The following LARGE1 variants were observed in gnomAD, a reference collection of about 807,000 sequenced individuals.
The protein encoded by LARGE1 is xylosyl- and glucuronyltransferase LARGE1.
LARGE1 carries 43 observed loss-of-function variants against 87.6 expected under a neutral mutation model. The observed-to-expected ratio is 0.49, with a 90% CI of 0.38 to 0.63. LARGE1 has a LOEUF of 0.63. Among genes scored for constraint, LARGE1 ranks in the 30% least tolerant of loss-of-function variants. The pLI, the probability that LARGE1 is intolerant of heterozygous loss-of-function variation, is 0.00. For synonymous variants in LARGE1, 434 were observed against 394.6 expected, an observed-to-expected ratio of 1.10 and a Z score of -1.18; for missense variants, 802 against 1,000.2, an observed-to-expected ratio of 0.80 and a Z score of 2.67.
At chr22:33,085,328 C>A in the LARGE1 span, among the ~76,000 whole-genome samples, 1 of 152,128 alleles carries the variant, frequency 6.6e-6, no homozygotes, top group Admixed American at 6.5e-5. Context: ...CTGTTTGAAA[C>A]AAACTTAAAA....
intron 6 of LARGE1, among the ~76,000 whole-genome samples, chr22:33,471,109 C>G (rs1188717824): frequency 6.7e-6 from 1 of 149,812 alleles, no homozygotes; most frequent in Non-Finnish European, 1.5e-5. Flanking sequence ...CTCACGGCAA[C>G]CTCTGCCACC....
chr22:33,069,460 C>A, the LARGE1 span, among the ~76,000 whole-genome samples: 6 of 152,154 alleles, frequency 3.9e-5, no homozygotes, highest in Non-Finnish European at 7.3e-5. Flanking sequence ...TGAACTTAGA[C>A]TCTGAAACTG....
intron 11 of LARGE1, among the ~76,000 whole-genome samples, chr22:33,183,461 G>A (rs1446560295): frequency 1.3e-5 from 2 of 152,064 alleles, no homozygotes; most frequent in African/African-American, 2.4e-5. Flanking sequence ...ACATGATCTG[G>A]CAATCCCACT....
At chr22:33,532,584 G>A (rs2148581827) in intron 6 of LARGE1, among the ~76,000 whole-genome samples, 1 of 152,322 alleles carries the variant, frequency 6.6e-6, no homozygotes, top group East Asian at 1.9e-4. Flanking sequence ...GGCTAACAGA[G>A]GCTGGCTGTC....
At chr22:33,425,902 A>G (rs1265037384) in intron 7 of LARGE1, among the ~76,000 whole-genome samples, 1 of 151,946 alleles carries the variant, frequency 6.6e-6, no homozygotes, top group African/African-American at 2.4e-5. Flanking sequence ...ATGACCGGCT[A>G]ATTTATTTAT....
chr22:33,263,285 C>G (rs1301764897), intron 11 of LARGE1, among the ~76,000 whole-genome samples: 1 of 152,226 alleles, frequency 6.6e-6, no homozygotes, highest in African/African-American at 2.4e-5. Context: ...CCTGCTGTAT[C>G]TCCCTATATA....
chr22:33,571,294 A>G lies in LARGE1; in HGVS notation c.616-6275T>C, dbSNP rs143992554. Among the ~76,000 whole-genome samples the G allele has an allele frequency of 9.9e-5, 15 of 152,282 alleles. No homozygotes were observed. In the East Asian group the frequency reaches 2.1e-3, roughly 22 times the overall value. ...ATCTGCCTTCTTGAAGAAGCTGCCA[A>G]TTACCAGGCAGACCCAAAGGGGAGC... On this transcript the variant is annotated intron_variant, in intron 5 of 14. Coordinates refer to ENST00000397394, the MANE Select transcript of LARGE1 (RefSeq NM_133642.5).
chr22:33,656,148 C>G (rs2080954343), intron 2 of LARGE1, among the ~76,000 whole-genome samples: 1 of 152,066 alleles, frequency 6.6e-6, no homozygotes, highest in Admixed American at 6.6e-5. Context: ...AGTCAATTTT[C>G]ACGCTGCTGA....
the LARGE1 span, among the ~76,000 whole-genome samples, chr22:33,117,650 G>T: frequency 2.4e-4 from 36 of 152,270 alleles, 2 homozygotes; most frequent in Admixed American, 1.8e-3. Context: ...ACATCAAGAA[G>T]ATGGTACATG....
At chr22:33,226,707 AATT>A (rs891392926) in intron 11 of LARGE1, among the ~76,000 whole-genome samples, 26 of 149,858 alleles carry the variant, frequency 1.7e-4, no homozygotes, top group South Asian at 4.2e-4. Flanking sequence ...ATAACCTTTA[AATT>A]ATTATTATTA....
intron 1 of LARGE1, among the ~76,000 whole-genome samples, chr22:33,886,025 G>A (rs1430798670): frequency 1.3e-5 from 2 of 149,560 alleles, no homozygotes; most frequent in Non-Finnish European, 2.9e-5. Context: ...GTGAGACTCT[G>A]GTCAATAAAT....
intron 6 of LARGE1, among the ~76,000 whole-genome samples, chr22:33,437,065 A>G (rs1601834234): frequency 1.3e-5 from 2 of 152,344 alleles, no homozygotes; most frequent in Non-Finnish European, 2.9e-5. Flanking sequence ...ATATTTCTGC[A>G]TAAGAATTCT....
chr22:33,631,055 G>A (rs1049853717), intron 3 of LARGE1, among the ~76,000 whole-genome samples: 2 of 151,902 alleles, frequency 1.3e-5, no homozygotes, highest in African/African-American at 2.4e-5. Context: ...GGGTTTCACC[G>A]TGTTAGCCAG....
At chr22:33,650,697 A>C in intron 2 of LARGE1, 29 bp from the exon 3 acceptor site, 1 of 1,597,000 alleles carries the variant, frequency 6.3e-7, no homozygotes, top group South Asian at 1.1e-5. Flanking sequence ...GGGAAGCTTT[A>C]ATCTGGATGA....
intron 5 of LARGE1, among the ~76,000 whole-genome samples, chr22:33,603,473 G>T (rs1289087581): frequency 6.6e-6 from 1 of 152,142 alleles, no homozygotes; most frequent in African/African-American, 2.4e-5. Context: ...CATTAAGAAA[G>T]GTTCAGTAGA....
intron 1 of LARGE1, among the ~76,000 whole-genome samples, chr22:33,801,648 G>A (rs145686754): frequency 5.4e-4 from 82 of 152,200 alleles, no homozygotes; most frequent in Non-Finnish European, 1.0e-3. Flanking sequence ...AGTCAGTGGC[G>A]TCTCTTTTCA....
intron 1 of LARGE1, among the ~76,000 whole-genome samples, chr22:33,797,035 A>C (rs554799359): frequency 5.8e-4 from 89 of 152,226 alleles, no homozygotes; most frequent in African/African-American, 2.0e-3. Context: ...AAGTGCTAGG[A>C]TCACAGGCGT....
chr22:33,214,151 C>A (rs1293556222), intron 11 of LARGE1, among the ~76,000 whole-genome samples: 1 of 152,156 alleles, frequency 6.6e-6, no homozygotes, highest in East Asian at 1.9e-4. Context: ...GTAGCTTAAA[C>A]AGTAGAAATT....
the LARGE1 span, among the ~76,000 whole-genome samples, chr22:33,100,032 G>A: frequency 1.3e-5 from 2 of 152,064 alleles, no homozygotes; most frequent in South Asian, 4.1e-4. Flanking sequence ...AGACACATGA[G>A]GCTATTTTTA....
Sources: gnomAD v4.1 joint callset for allele counts (sites outside exome capture counted in the v4.1 genomes callset) on GRCh38, gnomAD v4.1.1 for gene constraint, MANE v1.5 for transcripts, NCBI Gene and HGNC (gene_info 2026-07-23, HGNC 2026-07-21) for gene names.